PCNX2: variants seen among roughly 807,000 people sequenced by gnomAD.
PCNX2 encodes the protein pecanex 2.
In PCNX2, 168 loss-of-function variants were observed where a neutral mutation model predicts 223.8. That is an observed-to-expected ratio of 0.75 (90% CI 0.66 to 0.85). The LOEUF is 0.85. Among genes scored for constraint, PCNX2 ranks in the 40% least tolerant of loss-of-function variants. The probability of loss-of-function intolerance (pLI) is 0.00; values close to 1 mark genes in which losing one functional copy is unlikely to be tolerated. For missense variants in PCNX2, 2,507 were observed against 2,675.5 expected, an observed-to-expected ratio of 0.94 and a Z score of 1.39; for synonymous variants, 1,006 against 1,052.6, an observed-to-expected ratio of 0.96 and a Z score of 0.86.
intron 10 of PCNX2, 82 bp downstream of exon 10, chr1:233,227,144 G>A: frequency 7.1e-7 from 1 of 1,410,202 alleles, no homozygotes; most frequent in Non-Finnish European, 9.4e-7. Context: ...AAGTGACAAT[G>A]TTCTCTTTGA....
intron 7 of PCNX2, 67 bp from the exon 8 acceptor site, chr1:233,250,899 T>A: frequency 6.8e-7 from 1 of 1,474,532 alleles, no homozygotes; most frequent in African/African-American, 1.4e-5. Flanking sequence ...TTTCAACTTA[T>A]ACAATTTTCA....
At chr1:233,102,002 A>G (rs924573704) in intron 21 of PCNX2, among the ~76,000 whole-genome samples, 3 of 152,184 alleles carry the variant, frequency 2.0e-5, no homozygotes, top group Admixed American at 2.0e-4. Context: ...AGTAAGGTGA[A>G]AATTTAAAAA....
intron 15 of PCNX2, among the ~76,000 whole-genome samples, chr1:233,188,113 G>A (rs1680207571): frequency 6.6e-6 from 1 of 152,150 alleles, no homozygotes; most frequent in Non-Finnish European, 1.5e-5. Flanking sequence ...CAGTTTCCTA[G>A]GTCAGGTGCT....
At chr1:233,200,459 G>A (rs12064929) in intron 13 of PCNX2, among the ~76,000 whole-genome samples, 195 bp from the exon 14 acceptor site, 4 of 141,966 alleles carry the variant, frequency 2.8e-5, no homozygotes, top group Admixed American at 7.7e-5. Flanking sequence ...GCGCGATCTC[G>A]GCTCACTGCA....
intron 21 of PCNX2, among the ~76,000 whole-genome samples, chr1:233,119,615 CAAAACAAA>C (rs900458777): frequency 1.6e-4 from 24 of 147,042 alleles, no homozygotes; most frequent in Non-Finnish European, 2.7e-4. Flanking sequence ...AAAAACAAAA[CAAAACAAA>C]AAAACGAAAA....
chr1:233,177,884 C>A lies in PCNX2; in HGVS notation c.3191G>T (p.Cys1064Phe), dbSNP rs753560053. The part of the protein sequence containing the change: ...DPSVLMSFIQ[C>F]RLFPKFLHQN... ...ATGTAAAAATTTAGGAAACAGCCTGCATTGGATGAAGGACCTGAAAGTGGA... is the reference window on the plus strand; with the variant it reads ...ATGTAAAAATTTAGGAAACAGCCTGAATTGGATGAAGGACCTGAAAGTGGA... The change falls in exon 17 of 34, where the codon TGC (cysteine) becomes TTC (phenylalanine). Residue 1064 changes from cysteine to phenylalanine, a missense_variant. Coordinates refer to ENST00000258229, the MANE Select transcript of PCNX2 (RefSeq NM_014801.4). 11 of 1,613,770 alleles carry A rather than the reference C, an allele frequency of 6.8e-6. No homozygotes were observed. The South Asian group carries it at 1.2e-4, about 18-fold the overall frequency.
chr1:233,080,304 A>G (rs1673295414), intron 23 of PCNX2, among the ~76,000 whole-genome samples: 2 of 151,844 alleles, frequency 1.3e-5, no homozygotes. Context: ...ATACCTGTCA[A>G]TCCCAGTACC....
chr1:233,287,262 T>G (rs1283985979), intron 1 of PCNX2, among the ~76,000 whole-genome samples: 1 of 152,218 alleles, frequency 6.6e-6, no homozygotes, highest in African/African-American at 2.4e-5. Context: ...AGTTATATTT[T>G]TATTATATGT....
At chr1:233,039,587 G>A (rs1233937853) in intron 25 of PCNX2, among the ~76,000 whole-genome samples, 4 of 152,104 alleles carry the variant, frequency 2.6e-5, no homozygotes, top group Non-Finnish European at 4.4e-5. Flanking sequence ...CAATGCACTG[G>A]GGAGAGTTAC....
intron 19 of PCNX2, among the ~76,000 whole-genome samples, chr1:233,155,134 G>A (rs1037272074): frequency 3.3e-5 from 5 of 151,602 alleles, no homozygotes; most frequent in Admixed American, 6.6e-5. Context: ...GCGAGAGTGC[G>A]GTGGCTATTC....
chr1:233,291,319 G>C (rs1386228929), intron 1 of PCNX2, among the ~76,000 whole-genome samples: 1 of 152,112 alleles, frequency 6.6e-6, no homozygotes, highest in Non-Finnish European at 1.5e-5. Context: ...ATTGATAAGA[G>C]GAAGAACGAG....
chr1:233,235,501 T>C (rs1424924190), intron 9 of PCNX2, among the ~76,000 whole-genome samples: 1 of 152,134 alleles, frequency 6.6e-6, no homozygotes, highest in Non-Finnish European at 1.5e-5. Context: ...TCAACAGGTA[T>C]AAGAGCTCAG....
the PCNX2 span, among the ~76,000 whole-genome samples, chr1:233,315,338 T>C: frequency 9.9e-5 from 15 of 151,938 alleles, no homozygotes; most frequent in Non-Finnish European, 1.6e-4. Flanking sequence ...ATACGCTTCA[T>C]GCATTAACAA....
chr1:233,256,069 C>T (rs948758082), intron 5 of PCNX2, among the ~76,000 whole-genome samples: 2 of 152,142 alleles, frequency 1.3e-5, no homozygotes, highest in Admixed American at 6.5e-5. Context: ...TCCTGCTGTA[C>T]CTTCAAGTTC....
intron 21 of PCNX2, among the ~76,000 whole-genome samples, chr1:233,097,148 G>A (rs1461042136): frequency 6.6e-6 from 1 of 152,120 alleles, no homozygotes; most frequent in Non-Finnish European, 1.5e-5. Context: ...AGAAGTCACA[G>A]GCATCTGGTT....
In PCNX2 at chr1:233,047,389, C is replaced by G. The variant is rs187674329; in HGVS notation, c.4351+6879G>C. 1.6e-5 allele frequency: 16 copies of G among 985,280 alleles called. No homozygotes were observed. The Admixed American group carries it at 6.8e-4, about 42-fold the overall frequency. 61.0% of individuals were successfully genotyped at this position (985,280 alleles called of 1,614,324 possible). A position where few individuals can be genotyped will look rare whatever the true frequency, so the allele number is the denominator to read the frequency against. ...TTCTAAGATCTCATTAACTTGGACC[C>G]TTTAAACTCAAAGATTGGTTAAGTT... On this transcript the variant is annotated intron_variant, in intron 25 of 33. Coordinates refer to ENST00000258229, the MANE Select transcript of PCNX2 (RefSeq NM_014801.4).
chr1:233,119,403 CAAAAAAAAAA>C lies in PCNX2; in HGVS notation c.3837+15600_3837+15609del, dbSNP rs71173251. Among the ~76,000 whole-genome samples the C allele has an allele frequency of 2.1e-4, 8 of 38,628 alleles. No homozygotes were observed. In the East Asian group the frequency reaches 3.5e-3, roughly 17 times the overall value. 25.3% of individuals were successfully genotyped at this position (38,628 alleles called of 152,430 possible). A position where few individuals can be genotyped will look rare whatever the true frequency, so the allele number is the denominator to read the frequency against. On this transcript the variant is annotated intron_variant, in intron 21 of 33. Coordinates refer to ENST00000258229, the MANE Select transcript of PCNX2 (RefSeq NM_014801.4). ...TGAAACCCCGTCTCTACTAAAAATA[CAAAAAAAAAA>C]AAAAAAAAAAAAAAAAAAAAAAATT...
rs1670055536 is a variant in PCNX2, at chr1:233,000,788, T to C, written c.5098-253A>G. ...TCTGACCTTTAGATATAGTTTTAGA[T>C]ATAGGTTGGGCACTTTTGCTAAGTC... On this transcript the variant is annotated intron_variant, in intron 29 of 33. Coordinates refer to ENST00000258229, the MANE Select transcript of PCNX2 (RefSeq NM_014801.4). This position sits in a 1 kb window ranked among gnomAD's most constrained non-coding sequence, Gnocchi z 4.6. Among the ~76,000 whole-genome samples, 1 of 152,174 alleles carries C rather than the reference T, an allele frequency of 6.6e-6. No homozygotes were observed. Among genetic ancestry groups the C allele is most frequent in the African/African-American group, 2.4e-5 (1 of 41,440 alleles).
Position 233,025,290 on chromosome 1 carries a change from G to A in PCNX2, c.4461C>T (p.Asn1487=), listed in dbSNP as rs771726038. ...PGHLPHLLSC[N]AAFHLRWLTW... Reference sequence around the variant, plus strand: ...TGAGCCAGCGGAGGTGAAAGGCAGCGTTGCAGGACAGCAGGTGAGGCAAGT... The same window carrying A: ...TGAGCCAGCGGAGGTGAAAGGCAGCATTGCAGGACAGCAGGTGAGGCAAGT... Residue 1487 remains asparagine, a synonymous_variant, in exon 26 of 34, where the codon AAC becomes AAT. Transcript: ENST00000258229. The A allele has an allele frequency of 9.9e-6, 16 of 1,613,898 alleles. No homozygotes were observed. Among genetic ancestry groups the A allele is most frequent in the Admixed American group, 3.3e-5 (2 of 60,000 alleles).
Sources: allele counts gnomAD v4.1 joint callset (sites outside exome capture counted in the v4.1 genomes callset), GRCh38; gene constraint gnomAD v4.1.1; non-coding constraint Gnocchi (gnomAD v3.1); transcripts MANE v1.5; gene names NCBI Gene and HGNC (gene_info 2026-07-23, HGNC 2026-07-21).